Variants in RABL6 observed in about 807,000 individuals in gnomAD.
RABL6 encodes rab-like protein 6.
A neutral mutation model predicts 72.9 loss-of-function variants in RABL6; 28 were observed. The ratio of observed to expected loss-of-function variants is 0.38; its 90% CI spans 0.28 to 0.53. The LOEUF (loss-of-function observed/expected upper bound fraction) is 0.53, where lower values mean the gene tolerates loss of function less well. Among genes scored for constraint, RABL6 ranks in the 20% least tolerant of loss-of-function variants. The pLI, the probability that RABL6 is intolerant of heterozygous loss-of-function variation, is 0.80. For synonymous variants in RABL6, 477 were observed against 421.2 expected (o/e 1.13, Z -1.62); for missense variants, 1,029 against 1,008.4 (o/e 1.02, Z -0.28).
rs751749870 is a variant in RABL6 at position 136,833,915 on chromosome 9, T to C, written c.705+1545T>C. The C allele has an allele frequency of 5.2e-6, 8 of 1,550,352 alleles. No homozygotes were observed. The African/African-American group carries it at 1.1e-4, about 21-fold the overall frequency. On this transcript the variant is annotated intron_variant, in intron 7 of 14. Transcript: ENST00000311502. The stretch of plus-strand genomic sequence containing the variant: ...GCCGTCCCCTCATCACTGGGTTGAT[T>C]ACTCCTTAGAGAGCTCCCCACTGCT...
Position 136,808,342 on chromosome 9 carries a change from C to CA in RABL6, c.130+16_130+17insA. The CA allele has an allele frequency of 6.7e-7, 1 of 1,493,030 alleles. No homozygotes were observed. Among genetic ancestry groups the CA allele is most frequent in the Non-Finnish European group, 8.9e-7 (1 of 1,122,222 alleles). 92.5% of individuals were successfully genotyped at this position (1,493,030 alleles called of 1,614,324 possible). ...CAGTACAACAGTGAGTGCGGCGGGC[C>CA]GGGGGGGCGCGGGAGCGCCGCGCGG... is the stretch of plus-strand genomic sequence containing the variant. On this transcript the variant is annotated intron_variant, in intron 1 of 14. Transcript: ENST00000311502.
rs2131210088 is a variant in RABL6 at position 136,840,587 on chromosome 9, G to T, written c.*65G>T. ...CCTGTCACTGCCTGGGGAGGCATTT[G>T]CCTCTGTACCATCGCCTTTGCCGCT... On this transcript the variant is annotated 3_prime_UTR_variant, in exon 15 of 15. Coordinates refer to ENST00000311502, the MANE Select transcript of RABL6 (RefSeq NM_024718.5). The T allele has an allele frequency of 1.9e-6, 3 of 1,547,838 alleles. No homozygotes were observed. Among genetic ancestry groups the T allele is most frequent in the South Asian group, 1.2e-5 (1 of 83,962 alleles).
chr9:136,816,081 G>A (rs911737029), intron 1 of RABL6, among the ~76,000 whole-genome samples: 6 of 152,124 alleles, frequency 3.9e-5, no homozygotes, highest in East Asian at 1.9e-4. Context: ...CAAGATCAAG[G>A]GACCAGCAGG....
In RABL6 at chr9:136,841,145, C is replaced by T; in HGVS notation, c.*623C>T. ...GGCAGGAGCCGGGAGGCACTCCTCC[C>T]AAACACTCCACTCAGACCATAAAGC... On this transcript the variant is annotated 3_prime_UTR_variant, in exon 15 of 15. Coordinates refer to ENST00000311502, the MANE Select transcript of RABL6 (RefSeq NM_024718.5). 1.1e-6 allele frequency: 1 copy of T among 936,438 alleles called. No individual in the cohort carries two copies. Among genetic ancestry groups the T allele is most frequent in the Non-Finnish European group, 1.5e-6 (1 of 672,532 alleles). The allele number at this position is 936,438 out of a possible 1,614,324, so 58.0% of individuals were successfully genotyped here.
At chr9:136,827,428 C>T (rs970612510) in intron 3 of RABL6, 3 of 152,260 alleles carry the variant, frequency 2.0e-5, no homozygotes, top group African/African-American at 7.2e-5. Context: ...CGACAATCCT[C>T]ACCTCCGCCT....
intron 1 of RABL6, chr9:136,814,247 ATG>A (rs1848071326): frequency 4.9e-6 from 1 of 202,834 alleles, no homozygotes; most frequent in Admixed American, 6.3e-5. Context: ...CTGGAGTGCA[ATG>A]GTGCTCACTG....
intron 7 of RABL6, 24 bp downstream of exon 7, chr9:136,832,394 G>A: frequency 1.9e-6 from 3 of 1,563,110 alleles, no homozygotes; most frequent in Non-Finnish European, 2.6e-6. Context: ...ACGTGGGGTG[G>A]AGTGGCTGCT....
In RABL6 at chr9:136,835,828, G is replaced by A. The variant is rs1037602144; in HGVS notation, c.792G>A (p.Glu264=). 1.0e-5 allele frequency: 16 copies of A among 1,554,804 alleles called. No individual in the cohort carries two copies. The highest frequency in any genetic ancestry group is 4.8e-5 in the East Asian group (2 of 41,274). ...LEELSVQQET[E]DQNYGIFLEM... ...AGCTGTCGGTGCAGCAGGAGACGGA[G>A]GACCAGAACTACGGCATGTATGTGG... Residue 264 remains glutamate, a synonymous_variant, in exon 8 of 15, where the codon GAG becomes GAA. Transcript: ENST00000311502.
intron 7 of RABL6, 65 bp from the exon 8 acceptor site, chr9:136,835,676 CT>C (rs1848571660): frequency 7.1e-7 from 1 of 1,405,422 alleles, no homozygotes; most frequent in Non-Finnish European, 9.7e-7. Flanking sequence ...CATTCAGGGG[CT>C]GTGGGGCTGG....
intron 1 of RABL6, chr9:136,812,757 A>G (rs1848039299): frequency 4.3e-5 from 14 of 322,200 alleles, no homozygotes; most frequent in South Asian, 4.2e-4. Flanking sequence ...TTCAAATGGG[A>G]GAGGGAAAGA....
At position 136,831,675 on chromosome 9, in the gene RABL6, G is replaced by A. The variant is rs376064500; in HGVS notation, c.459-46G>A. On this transcript the variant is annotated intron_variant, in intron 5 of 14. Coordinates refer to ENST00000311502, the MANE Select transcript of RABL6 (RefSeq NM_024718.5). ...CAGCACCTTTCCAGGGAGGGACAGG[G>A]CGTCGCAGGGCTGAAACTAAGCCAG... 8.7e-5 allele frequency: 140 copies of A among 1,607,630 alleles called. No homozygotes were observed. In the African/African-American group the frequency reaches 1.3e-3, roughly 14 times the overall value.
intron 2 of RABL6, among the ~76,000 whole-genome samples, chr9:136,824,536 G>A (rs1195684342): frequency 6.6e-6 from 1 of 151,814 alleles, no homozygotes; most frequent in Admixed American, 6.6e-5. Context: ...TCACCATCTT[G>A]GCCAGGCTGG....
rs1200691375 is a variant in RABL6 at position 136,837,066 on chromosome 9, G to A, written c.810-280G>A. The A allele has an allele frequency of 6.9e-5, 39 of 568,112 alleles. No individual in the cohort carries two copies. The East Asian group carries it at 7.0e-4, about 10-fold the overall frequency. 35.2% of individuals were successfully genotyped at this position (568,112 alleles called of 1,614,324 possible). ...TTTTTTTTGTATTTTTAGTAGAGAC[G>A]GGGTTTCACTGCGTTAGCCAGGACG... On this transcript the variant is annotated intron_variant, in intron 8 of 14. Coordinates refer to ENST00000311502, the MANE Select transcript of RABL6 (RefSeq NM_024718.5).
chr9:136,838,998 T>C lies in RABL6; in HGVS notation c.1370T>C (p.Leu457Pro). ...GACCAGCCACGTGGGAGTCCCCCGC[T>C]GCCTGCAGGCCCCGTCCCCAGTCAA... is the stretch of plus-strand genomic sequence containing the variant. The part of the protein sequence containing the change: ...LEDQPRGSPP[L>P]PAGPVPSQDI... Residue 457 changes from leucine (L) to proline (P), a missense_variant, in exon 11 of 15, where the codon CTG (leucine) becomes CCG (proline). Physicochemically the swap from Leu to Pro is moderately conservative, Grantham distance 98. Transcript: ENST00000311502. The C allele has an allele frequency of 1.9e-6, 3 of 1,612,196 alleles. No homozygotes were observed. Among genetic ancestry groups the C allele is most frequent in the South Asian group, 2.2e-5 (2 of 91,030 alleles).
chr9:136,823,954 G>A (rs920981436), intron 2 of RABL6, among the ~76,000 whole-genome samples: 12 of 152,348 alleles, frequency 7.9e-5, no homozygotes, highest in South Asian at 2.1e-4. Flanking sequence ...GGTACATTCC[G>A]AGGAGCATTC....
At chr9:136,821,256 G>A (rs2131172512) in intron 1 of RABL6, 1 of 905,376 alleles carries the variant, frequency 1.1e-6, no homozygotes, top group South Asian at 5.1e-5. Flanking sequence ...GGACGTCAGC[G>A]CGTTGGTTCT....
intron 13 of RABL6, 33 bp downstream of exon 13, chr9:136,839,898 C>T (rs1357001720): frequency 1.9e-6 from 3 of 1,597,414 alleles, no homozygotes; most frequent in Non-Finnish European, 2.6e-6. Flanking sequence ...GGTCAGCCTG[C>T]TGGAGTTTGG....
chr9:136,840,247 T>C (rs759707134), intron 14 of RABL6, 35 bp downstream of exon 14: 4 of 1,612,542 alleles, frequency 2.5e-6, no homozygotes, highest in Non-Finnish European at 1.7e-6. Context: ...AGGCCAGGAC[T>C]GGGTGGCATG....
chr9:136,836,929 AGTG>A, intron 8 of RABL6: 1 of 351,922 alleles, frequency 2.8e-6, no homozygotes, highest in South Asian at 2.2e-5. Context: ...GCTGGAGCGC[AGTG>A]GTGTGATCTC....
Sources: allele counts gnomAD v4.1 joint callset (sites outside exome capture counted in the v4.1 genomes callset), GRCh38; gene constraint gnomAD v4.1.1; transcripts MANE v1.5; gene names NCBI Gene and HGNC (gene_info 2026-07-23, HGNC 2026-07-21).